ZNF624: variants seen among roughly 807,000 people sequenced by gnomAD.
The protein encoded by ZNF624 is zinc finger protein 624.
In ZNF624, 43 loss-of-function variants were observed where a neutral mutation model predicts 74.7. The ratio of observed to expected loss-of-function variants is 0.58; its 90% CI spans 0.45 to 0.74. The LOEUF is 0.74. ZNF624 is among the 30% of genes least tolerant of loss of function. The pLI, the probability that ZNF624 is intolerant of heterozygous loss-of-function variation, is 0.00. For synonymous variants in ZNF624, 331 were observed against 341.3 expected (o/e 0.97, Z 0.33); for missense variants, 820 against 1,030.0 (o/e 0.80, Z 2.79).
chr17:16,635,879 G>GAA (rs113444286), intron 3 of ZNF624, among the ~76,000 whole-genome samples: 58 of 116,144 alleles, frequency 5.0e-4, no homozygotes, highest in East Asian at 1.8e-3. Context: ...CATTTTAAGA[G>GAA]AAAAAAAAAA....
intron 5 of ZNF624, chr17:16,624,753 A>G (rs1442908266): frequency 8.7e-6 from 3 of 346,060 alleles, no homozygotes; most frequent in Non-Finnish European, 1.5e-5. Context: ...ACAGTGGCTC[A>G]TGCCTATAAT....
intron 2 of ZNF624, 123 bp downstream of exon 2, chr17:16,649,535 G>C (rs763276935): frequency 8.9e-5 from 71 of 797,452 alleles, no homozygotes; most frequent in Non-Finnish European, 1.4e-4. Context: ...AATTTTCATG[G>C]GTCTATTTAG....
chr17:16,621,444 T>C lies in ZNF624; in HGVS notation c.*844A>G, dbSNP rs1438434010. On this transcript the variant is annotated 3_prime_UTR_variant, in exon 6 of 6. Transcript: ENST00000311331. The stretch of plus-strand genomic sequence containing the variant: ...AGTGAGACTGCTGGGTCTAAGAGTA[T>C]ATATGTTTTAAATTTTTAAACATAT... 6.6e-6 allele frequency: 1 copy of C among 152,248 alleles called. No individual in the cohort carries two copies. Among genetic ancestry groups the C allele is most frequent in the Admixed American group, 6.5e-5 (1 of 15,284 alleles). The allele number at this position is 152,248 out of a possible 1,614,324, so 9.4% of individuals were successfully genotyped here. A position where few individuals can be genotyped will look rare whatever the true frequency, so the allele number is the denominator to read the frequency against.
chr17:16,625,471 C>G (rs914272644), intron 5 of ZNF624, among the ~76,000 whole-genome samples: 1 of 152,138 alleles, frequency 6.6e-6, no homozygotes, highest in Non-Finnish European at 1.5e-5. Flanking sequence ...CCTGAGCCAC[C>G]ATGCCATGCC....
intron 5 of ZNF624, among the ~76,000 whole-genome samples, chr17:16,632,857 A>C (rs1014433507): frequency 6.6e-6 from 1 of 152,190 alleles, no homozygotes; most frequent in Non-Finnish European, 1.5e-5. Flanking sequence ...AGGCTGCTAC[A>C]TCTCTAATCT....
intron 3 of ZNF624, among the ~76,000 whole-genome samples, chr17:16,637,046 T>C (rs1175719216): frequency 1.3e-5 from 2 of 151,908 alleles, no homozygotes; most frequent in Non-Finnish European, 2.9e-5. Flanking sequence ...GAGAAGGAAA[T>C]AAAAATCACT....
At chr17:16,627,651 A>C (rs558938249) in intron 5 of ZNF624, among the ~76,000 whole-genome samples, 58 of 152,348 alleles carry the variant, frequency 3.8e-4, no homozygotes, top group South Asian at 3.3e-3. Flanking sequence ...TAGGGCAAGA[A>C]AGACAGAGAC....
In ZNF624 at chr17:16,623,384, T is replaced by G; in HGVS notation, c.1502A>C (p.Glu501Ala). Residue 501 changes from glutamate to alanine, a missense_variant, in exon 6 of 6, where the codon GAA becomes GCA. Glu to Ala is a moderately radical substitution (Grantham distance 107). Coordinates refer to ENST00000311331, the MANE Select transcript of ZNF624 (RefSeq NM_020787.4). This position sits in a 1 kb window ranked among gnomAD's most constrained non-coding sequence, Gnocchi z 5.3. ...IRTHTGEKPY[E>A]CNECGKAFNR... is the part of the protein sequence containing the mutation. ...GAATGCTTTCCCACATTCATTACAT[T>G]CATAGGGTTTTTCCCCAGTGTGAGT... 1 of 1,613,988 alleles carries G rather than the reference T, an allele frequency of 6.2e-7. No individual in the cohort carries two copies. The highest frequency in any genetic ancestry group is 1.1e-5 in the South Asian group (1 of 91,068).
intron 3 of ZNF624, among the ~76,000 whole-genome samples, chr17:16,644,994 A>G (rs1369280209): frequency 6.6e-6 from 1 of 152,194 alleles, no homozygotes; most frequent in African/African-American, 2.4e-5. Flanking sequence ...TTTTACATTT[A>G]ACTTTGTATT....
At chr17:16,646,248 C>T (rs1909590764) in intron 3 of ZNF624, among the ~76,000 whole-genome samples, 1 of 152,068 alleles carries the variant, frequency 6.6e-6, no homozygotes, top group Non-Finnish European at 1.5e-5. Context: ...GGTTCAAAGT[C>T]TAAAACTATG....
chr17:16,627,676 TA>T (rs1461867792), intron 5 of ZNF624, among the ~76,000 whole-genome samples: 1 of 152,180 alleles, frequency 6.6e-6, no homozygotes, highest in African/African-American at 2.4e-5. Context: ...TTAGGTCCAT[TA>T]AGGAGGACAA....
downstream of ZNF624, among the ~76,000 whole-genome samples, chr17:16,618,388 A>T (rs1340568771): frequency 1.3e-5 from 2 of 152,214 alleles, no homozygotes; most frequent in African/African-American, 4.8e-5. Context: ...TGGAATACTC[A>T]TAGATTAAAT....
chr17:16,617,173 C>A, downstream of ZNF624: 3 of 1,612,668 alleles, frequency 1.9e-6, no homozygotes, highest in South Asian at 1.1e-5. Flanking sequence ...GCCTTTTGAT[C>A]GAGAACGTGA....
intron 1 of ZNF624, among the ~76,000 whole-genome samples, chr17:16,652,606 T>C (rs181566111): frequency 5.3e-5 from 8 of 152,362 alleles, no homozygotes; most frequent in Non-Finnish European, 1.2e-4. Context: ...TAACATTTAA[T>C]ATATTCAGCT....
At chr17:16,614,427 T>C in the ZNF624 span, among the ~76,000 whole-genome samples, 3 of 152,190 alleles carry the variant, frequency 2.0e-5, no homozygotes, top group Non-Finnish European at 4.4e-5. Flanking sequence ...TAATTAGATA[T>C]TTTGGTGAAA....
chr17:16,643,012 G>T (rs1345198842), intron 3 of ZNF624, among the ~76,000 whole-genome samples: 1 of 152,150 alleles, frequency 6.6e-6, no homozygotes, highest in African/African-American at 2.4e-5. Context: ...AATCAAAAAA[G>T]CCAGACAATA....
At chr17:16,617,233 C>T, downstream of ZNF624, 1 of 1,612,708 alleles carries the variant, frequency 6.2e-7, no homozygotes, top group Non-Finnish European at 8.5e-7. Flanking sequence ...TGAGACACTT[C>T]CAGATCTACT....
intron 3 of ZNF624, among the ~76,000 whole-genome samples, chr17:16,639,728 A>C (rs540715836): frequency 6.6e-6 from 1 of 152,346 alleles, no homozygotes; most frequent in Admixed American, 6.5e-5. Flanking sequence ...GTGGCTATAC[A>C]TGATAAAGAA....
chr17:16,617,980 C>G (rs2142556886), downstream of ZNF624: 1 of 694,486 alleles, frequency 1.4e-6, no homozygotes, highest in East Asian at 2.7e-5. Flanking sequence ...CCCGAACACG[C>G]GCCTCACACC....
Sources: gnomAD v4.1 joint callset for allele counts (sites outside exome capture counted in the v4.1 genomes callset) on GRCh38, gnomAD v4.1.1 for gene constraint, Gnocchi (gnomAD v3.1) non-coding constraint, MANE v1.5 for transcripts, NCBI Gene and HGNC (gene_info 2026-07-23, HGNC 2026-07-21) for gene names.